The following EYA2 variants were observed in gnomAD, a reference collection of about 807,000 sequenced individuals.
The protein encoded by EYA2 is protein phosphatase EYA2.
In EYA2, 31 loss-of-function variants were observed where a neutral mutation model predicts 69.2. That is an observed-to-expected ratio of 0.45 (90% CI 0.34 to 0.60). The LOEUF (loss-of-function observed/expected upper bound fraction) is 0.60, where lower values mean the gene tolerates loss of function less well. EYA2 is among the 20% of genes least tolerant of loss of function. The pLI is 0.02. For synonymous variants in EYA2, 257 were observed against 279.4 expected (o/e 0.92, Z 0.80); for missense variants, 622 against 701.2 (o/e 0.89, Z 1.28).
intron 1 of EYA2, among the ~76,000 whole-genome samples, chr20:46,982,462 C>T (rs1980895581): frequency 6.6e-6 from 1 of 152,184 alleles, no homozygotes; most frequent in Non-Finnish European, 1.5e-5. Context: ...CACAGAACTT[C>T]TTGATTCCAT....
intron 4 of EYA2, among the ~76,000 whole-genome samples, chr20:47,012,068 T>C (rs6063058): frequency 0.49 from 73,764 of 152,074 alleles, 19,178 homozygotes; most frequent in Non-Finnish European, 0.6. Context: ...ACAGTATCTG[T>C]AGCATCAAGA....
At chr20:46,988,969 G>C (rs558964860) in intron 1 of EYA2, among the ~76,000 whole-genome samples, 2 of 152,134 alleles carry the variant, frequency 1.3e-5, no homozygotes, top group African/African-American at 2.4e-5. Flanking sequence ...GCCTCCCAAA[G>C]TGCTGGAACT....
chr20:47,162,620 G>GTGA (rs1442248221), intron 10 of EYA2, among the ~76,000 whole-genome samples: 1 of 148,908 alleles, frequency 6.7e-6, no homozygotes, highest in Non-Finnish European at 1.5e-5. Context: ...CCAGGCTTAG[G>GTGA]TGATCCTCCC....
chr20:47,078,325 G>GTGCACA (rs1555821907), intron 7 of EYA2, among the ~76,000 whole-genome samples: 2 of 105,344 alleles, frequency 1.9e-5, no homozygotes, highest in African/African-American at 8.7e-5. Context: ...ACGTGCGCGC[G>GTGCACA]CGCGCGCACA....
chr20:47,080,506 G>A (rs1393835363), intron 7 of EYA2, among the ~76,000 whole-genome samples: 1 of 148,464 alleles, frequency 6.7e-6, no homozygotes, highest in Non-Finnish European at 1.5e-5. Flanking sequence ...AAAGGGGAGT[G>A]GAGGGGAGGG....
intron 14 of EYA2, among the ~76,000 whole-genome samples, chr20:47,181,990 A>T (rs1408111851): frequency 1.3e-5 from 2 of 152,068 alleles, no homozygotes. Context: ...GTAAAATTAA[A>T]TAATGTAAAA....
chr20:47,070,108 G>T (rs2031259301), intron 5 of EYA2, among the ~76,000 whole-genome samples: 1 of 152,050 alleles, frequency 6.6e-6, no homozygotes, highest in Admixed American at 6.6e-5. Context: ...GCCACAAACT[G>T]GGAGATAATA....
chr20:46,921,493 T>C (rs1324968240), intron 1 of EYA2, among the ~76,000 whole-genome samples: 2 of 152,174 alleles, frequency 1.3e-5, no homozygotes, highest in Non-Finnish European at 2.9e-5. Context: ...TACCCCACTC[T>C]CCAGTTCTAA....
chr20:46,930,865 C>G (rs1035830272), intron 1 of EYA2, among the ~76,000 whole-genome samples: 11 of 152,200 alleles, frequency 7.2e-5, no homozygotes, highest in Non-Finnish European at 1.5e-4. Flanking sequence ...CTAGTCTTCG[C>G]CATGACTCTG....
chr20:47,105,014 C>G (rs954301602), intron 9 of EYA2, among the ~76,000 whole-genome samples: 1 of 152,160 alleles, frequency 6.6e-6, no homozygotes, highest in Non-Finnish European at 1.5e-5. Flanking sequence ...GAGCCAGACT[C>G]TATCTCAAAA....
intron 5 of EYA2, among the ~76,000 whole-genome samples, chr20:47,050,867 A>G (rs1170573129): frequency 6.6e-6 from 1 of 152,266 alleles, no homozygotes; most frequent in Non-Finnish European, 1.5e-5. Context: ...TCCAGCAGGC[A>G]TACCTGAGAA....
chr20:47,056,754 A>G (rs1046160582), intron 5 of EYA2, among the ~76,000 whole-genome samples: 4 of 152,126 alleles, frequency 2.6e-5, no homozygotes, highest in Non-Finnish European at 5.9e-5. Context: ...CTCAAAATAG[A>G]AATCTCAGGA....
At chr20:47,055,774 C>T (rs951229732) in intron 5 of EYA2, among the ~76,000 whole-genome samples, 2 of 152,154 alleles carry the variant, frequency 1.3e-5, no homozygotes, top group Non-Finnish European at 2.9e-5. Flanking sequence ...TGTATTGATC[C>T]CCTGTTTAAC....
At chr20:47,027,887 G>A (rs865845445) in intron 5 of EYA2, among the ~76,000 whole-genome samples, 5 of 152,208 alleles carry the variant, frequency 3.3e-5, no homozygotes, top group Non-Finnish European at 7.3e-5. Flanking sequence ...CTATTGGGCA[G>A]CACAGGTCTA....
chr20:47,148,625 C>T (rs1278542291), intron 10 of EYA2, among the ~76,000 whole-genome samples: 2 of 152,142 alleles, frequency 1.3e-5, no homozygotes, highest in African/African-American at 4.8e-5. Flanking sequence ...TAAATATCGA[C>T]ACTCCCTCCC....
At chr20:46,996,076 G>A (rs2146337298) in intron 2 of EYA2, among the ~76,000 whole-genome samples, 1 of 152,326 alleles carries the variant, frequency 6.6e-6, no homozygotes, top group East Asian at 1.9e-4. Context: ...TTATGAGAAT[G>A]GGTTGTAGAT....
intron 1 of EYA2, among the ~76,000 whole-genome samples, chr20:46,909,727 A>G (rs1984553259): frequency 6.6e-6 from 1 of 152,090 alleles, no homozygotes; most frequent in African/African-American, 2.4e-5. Flanking sequence ...AGAAAGGTAG[A>G]TTTCCAAAGT....
At chr20:47,014,267 T>C (rs951006128) in intron 4 of EYA2, among the ~76,000 whole-genome samples, 2 of 152,210 alleles carry the variant, frequency 1.3e-5, no homozygotes, top group African/African-American at 4.8e-5. Context: ...ACTCACAATC[T>C]ATCTGTTTTT....
intron 10 of EYA2, chr20:47,166,836 A>G (rs1294243375): frequency 1.3e-5 from 2 of 152,222 alleles, no homozygotes; most frequent in Admixed American, 1.3e-4. Flanking sequence ...CCCTCACTCA[A>G]GGTCACACAC....
Sources: gnomAD v4.1 joint callset for allele counts (sites outside exome capture counted in the v4.1 genomes callset) on GRCh38, gnomAD v4.1.1 for gene constraint, MANE v1.5 for transcripts, NCBI Gene and HGNC (gene_info 2026-07-23, HGNC 2026-07-21) for gene names.